The following EXT1 variants were observed in gnomAD, a reference collection of about 807,000 sequenced individuals.
EXT1 encodes the protein exostosin glycosyltransferase 1, also known as exostosin-1.
A neutral mutation model predicts 82.5 loss-of-function variants in EXT1; 20 were observed. That is an observed-to-expected ratio of 0.24 (90% confidence interval 0.17 to 0.35). The LOEUF is 0.35. Among genes scored for constraint, EXT1 ranks in the 10% least tolerant of loss-of-function variants. EXT1 has a pLI of 1.00. For missense variants in EXT1, 757 were observed against 936.5 expected (o/e 0.81, Z 2.50); for synonymous variants, 348 against 350.8 (o/e 0.99, Z 0.09).
At chr8:118,075,762 A>G (rs1384054687) in intron 1 of EXT1, among the ~76,000 whole-genome samples, 1 of 152,094 alleles carries the variant, frequency 6.6e-6, no homozygotes, top group African/African-American at 2.4e-5. Flanking sequence ...AGAAGGGGGA[A>G]CAGGCATCTC....
At chr8:118,045,579 T>C (rs1462912559) in intron 1 of EXT1, among the ~76,000 whole-genome samples, 1 of 152,142 alleles carries the variant, frequency 6.6e-6, no homozygotes, top group Non-Finnish European at 1.5e-5. Flanking sequence ...ACCTAATTCA[T>C]CATCCTTTTC....
intron 1 of EXT1, among the ~76,000 whole-genome samples, chr8:117,926,683 A>G (rs1813958624): frequency 6.6e-6 from 1 of 152,220 alleles, no homozygotes; most frequent in Non-Finnish European, 1.5e-5. Flanking sequence ...AGCGGATGAC[A>G]AACAGGATAA....
Position 118,049,927 on chromosome 8 carries a change from G to A in EXT1, c.962+60158C>T, listed in dbSNP as rs543002494. On this transcript the variant is annotated intron_variant, in intron 1 of 10. Transcript: ENST00000378204. ...AAAATGTCACCTGTGAACCCCTCCA[G>A]CAGAAGTCACTGCTCTGTGTTACTC... Among the ~76,000 whole-genome samples the A allele has an allele frequency of 4.6e-5, 7 of 152,256 alleles. 1 individual carries two copies. In the South Asian group the frequency reaches 1.5e-3, roughly 32 times the overall value.
chr8:117,881,860 C>CT (rs1359415378), intron 1 of EXT1, among the ~76,000 whole-genome samples: 1 of 152,184 alleles, frequency 6.6e-6, no homozygotes, highest in African/African-American at 2.4e-5. Context: ...ATTGCTCCTC[C>CT]TAAGCTACAG....
chr8:117,809,218 A>AACATATATATAT (rs71569748), intron 8 of EXT1, among the ~76,000 whole-genome samples: 31 of 107,938 alleles, frequency 2.9e-4, no homozygotes, highest in African/African-American at 9.7e-4. Context: ...TGTGTGTATA[A>AACATATATATAT]ATATATATAT....
At chr8:117,893,511 G>A (rs1692558178) in intron 1 of EXT1, among the ~76,000 whole-genome samples, 1 of 152,178 alleles carries the variant, frequency 6.6e-6, no homozygotes, top group South Asian at 2.1e-4. Context: ...GGTGAAAATG[G>A]AATTTGGGCA....
intron 1 of EXT1, among the ~76,000 whole-genome samples, chr8:117,923,908 T>C (rs1813907064): frequency 6.6e-6 from 1 of 152,162 alleles, no homozygotes; most frequent in Non-Finnish European, 1.5e-5. Context: ...ATTAGTGTTA[T>C]GGGTCTAGTA....
At position 118,062,457 on chromosome 8, in the gene EXT1, C is replaced by A. The variant is rs75456401; in HGVS notation, c.962+47628G>T. 6.1e-3 allele frequency among the ~76,000 whole-genome samples: 924 copies of A among 152,284 alleles called. 4 individuals carry two copies. The highest frequency in any genetic ancestry group is 0.01 in the Middle Eastern group (3 of 294). The stretch of plus-strand genomic sequence containing the variant: ...GGAGAAACTAACCAGGCCAGCCTTA[C>A]GTGGACACTATTCCAAGACTCCACA... On this transcript the variant is annotated intron_variant, in intron 1 of 10. Transcript: ENST00000378204.
chr8:117,986,530 G>C (rs201446607), intron 1 of EXT1, among the ~76,000 whole-genome samples: 1 of 152,100 alleles, frequency 6.6e-6, no homozygotes, highest in Non-Finnish European at 1.5e-5. Context: ...ATAAATTTAG[G>C]TCTAAAAAAT....
At chr8:117,882,854 G>A (rs1414341632) in intron 1 of EXT1, among the ~76,000 whole-genome samples, 1 of 151,844 alleles carries the variant, frequency 6.6e-6, no homozygotes, top group Non-Finnish European at 1.5e-5. Context: ...GTGGGGGCCT[G>A]TAATCCCAGC....
chr8:118,105,836 T>C (rs535403693), intron 1 of EXT1, among the ~76,000 whole-genome samples: 1 of 152,348 alleles, frequency 6.6e-6, no homozygotes. Context: ...TCAAGGTGTC[T>C]GTTAATACAG....
At chr8:117,871,835 GA>G (rs1176638050) in intron 1 of EXT1, among the ~76,000 whole-genome samples, 4 of 152,068 alleles carry the variant, frequency 2.6e-5, no homozygotes, top group African/African-American at 9.7e-5. Context: ...AGGAATTGGA[GA>G]AAAAATAAGC....
In EXT1 at chr8:117,954,460, A is replaced by G. The variant is rs550261596; in HGVS notation, c.963-117259T>C. Among the ~76,000 whole-genome samples the G allele has an allele frequency of 3.3e-5, 5 of 152,274 alleles. No homozygotes were observed. In the East Asian group the frequency reaches 9.6e-4, roughly 29 times the overall value. ...AAAGTGAAGAAAGGTAAAGTGTCTAAAACTCTAGGGATATGACTGAGCCAT... is the reference window on the plus strand; with the variant it reads ...AAAGTGAAGAAAGGTAAAGTGTCTAGAACTCTAGGGATATGACTGAGCCAT... On this transcript the variant is annotated intron_variant, in intron 1 of 10. Transcript: ENST00000378204.
chr8:117,796,950 T>A lies in EXT1; in HGVS notation c.*2762A>T, dbSNP rs1823097542. On this transcript the variant is annotated 3_prime_UTR_variant, in exon 11 of 11. Coordinates refer to ENST00000378204, the MANE Select transcript of EXT1 (RefSeq NM_000127.3). ...GGAAAAGATGCTGTGTGGAAATCCA[T>A]AAGTGGCTGAGTCCTCTTTGGAATT... 6.6e-6 allele frequency: 1 copy of A among 152,256 alleles called. No individual in the cohort carries two copies. The highest frequency in any genetic ancestry group is 2.1e-4 in the South Asian group (1 of 4,836). The allele number at this position is 152,256 out of a possible 1,614,324, so 9.4% of individuals were successfully genotyped here.
In EXT1 at chr8:118,032,592, C is replaced by T. The variant is rs925872669; in HGVS notation, c.962+77493G>A. On this transcript the variant is annotated intron_variant, in intron 1 of 10. Transcript: ENST00000378204. ...ATGGCAGGATCTCGGCTGACTGCATCCTCCGCCTCCCAGGTTCAGGCAATT... is the reference window on the plus strand; with the variant it reads ...ATGGCAGGATCTCGGCTGACTGCATTCTCCGCCTCCCAGGTTCAGGCAATT... 3.3e-5 allele frequency among the ~76,000 whole-genome samples: 5 copies of T among 150,904 alleles called. No individual in the cohort carries two copies. In the East Asian group the frequency reaches 9.8e-4, roughly 30 times the overall value.
chr8:117,911,541 C>A (rs1813647712), intron 1 of EXT1, among the ~76,000 whole-genome samples: 1 of 152,210 alleles, frequency 6.6e-6, no homozygotes, highest in Non-Finnish European at 1.5e-5. Context: ...CTGCCCTGCT[C>A]ACCAAGAGAA....
chr8:117,845,210 T>C (rs1414696024), intron 1 of EXT1, among the ~76,000 whole-genome samples: 2 of 152,204 alleles, frequency 1.3e-5, no homozygotes, highest in African/African-American at 2.4e-5. Context: ...TTCACTCTCA[T>C]ATCCATGATC....
intron 1 of EXT1, among the ~76,000 whole-genome samples, chr8:117,944,330 G>A (rs371333869): frequency 3.3e-5 from 5 of 152,350 alleles, no homozygotes; most frequent in South Asian, 4.1e-4. Context: ...AATCCGGGAG[G>A]CGGAGGTTGC....
At chr8:118,022,314 C>T (rs966499003) in intron 1 of EXT1, among the ~76,000 whole-genome samples, 3 of 135,762 alleles carry the variant, frequency 2.2e-5, no homozygotes, top group East Asian at 2.1e-4. Flanking sequence ...CTTGGCCGGG[C>T]GCATATATAT....
Sources: gnomAD v4.1 joint callset for allele counts (sites outside exome capture counted in the v4.1 genomes callset) on GRCh38, gnomAD v4.1.1 for gene constraint, MANE v1.5 for transcripts, NCBI Gene and HGNC (gene_info 2026-07-23, HGNC 2026-07-21) for gene names.